TSPAN10: variants seen among roughly 807,000 people sequenced by gnomAD.
TSPAN10 encodes the protein tetraspanin 10.
TSPAN10 carries 11 observed loss-of-function variants against 15.0 expected under a neutral mutation model. That is an observed-to-expected ratio of 0.73 (90% CI 0.46 to 1.21). The LOEUF is 1.21. Among genes scored for constraint, TSPAN10 ranks in the 50% most tolerant of loss-of-function variants. The pLI, the probability that TSPAN10 is intolerant of heterozygous loss-of-function variation, is 0.00. For missense variants in TSPAN10, 486 were observed against 470.6 expected (o/e 1.03, Z -0.30); for synonymous variants, 241 against 226.2 (o/e 1.07, Z -0.59).
At chr17:81,642,242 A>G (rs1309208945), upstream of TSPAN10, 4 of 609,958 alleles carry the variant, frequency 6.6e-6, 1 homozygote, top group East Asian at 1.2e-4. Context: ...CTCAACTGTG[A>G]CTCCGGCATC....
At chr17:81,645,509 C>A in exon 2 of TSPAN10, 1 of 1,587,084 alleles carries the variant, frequency 6.3e-7, no homozygotes, top group Non-Finnish European at 8.6e-7. Flanking sequence ...CTGGAGCACA[C>A]CCTGCGTGTG....
chr17:81,643,742 T>C (rs12950788), intron 1 of TSPAN10, among the ~76,000 whole-genome samples: 76,264 of 151,672 alleles, frequency 0.5, 21,010 homozygotes, highest in East Asian at 0.99. Context: ...GAGAGCCTGA[T>C]GCTGTGATCA....
chr17:81,647,744 GTGCAGGTGTGTGCGAATAGGAGGGCGTA>G lies in TSPAN10; in HGVS notation c.675-152_675-125del, dbSNP rs532818261. 4,490 of 736,792 alleles carry G rather than the reference GTGCAGGTGTGTGCGAATAGGAGGGCGTA, an allele frequency of 6.1e-3. 23 individuals are homozygous for G. Among genetic ancestry groups the G allele is most frequent in the Non-Finnish European group, 8.4e-3 (3,724 of 441,048 alleles). 45.6% of individuals were successfully genotyped at this position (736,792 alleles called of 1,614,324 possible). ...AGCCAGGTGCTGTGTGTGTCCGTGT[GTGCAGGTGTGTGCGAATAGGAGGGCGTA>G]TGCACGTGTGTGCATGTGCCTGTGT... On this transcript the variant is annotated intron_variant, in intron 2 of 2. Transcript: ENST00000611590.
upstream of TSPAN10, among the ~76,000 whole-genome samples, chr17:81,639,769 G>A (rs1598707712): frequency 1.3e-5 from 2 of 151,324 alleles, no homozygotes; most frequent in African/African-American, 4.8e-5. Context: ...ACGAAGTCAG[G>A]AGATCGAGAC....
chr17:81,643,333 C>T (rs1235904776), intron 1 of TSPAN10, among the ~76,000 whole-genome samples: 1 of 37,578 alleles, frequency 2.7e-5, no homozygotes, highest in Admixed American at 3.8e-4. Flanking sequence ...CCGGGACGGC[C>T]GGGCGCGGTG....
At chr17:81,639,400 G>A (rs1454989437), upstream of TSPAN10, among the ~76,000 whole-genome samples, 1 of 151,274 alleles carries the variant, frequency 6.6e-6, no homozygotes, top group Non-Finnish European at 1.5e-5. Flanking sequence ...TAGAGACAGG[G>A]TTTCACCATG....
chr17:81,638,079 T>C (rs1598706522), upstream of TSPAN10: 1 of 107,674 alleles, frequency 9.3e-6, no homozygotes, highest in African/African-American at 4.2e-5. Context: ...ATTACATTAA[T>C]TGATTAAATT....
chr17:81,645,321 G>C, exon 2 of TSPAN10: 1 of 1,554,748 alleles, frequency 6.4e-7, no homozygotes, highest in Non-Finnish European at 8.7e-7. Flanking sequence ...ACCCCATGCT[G>C]GGGCTGGCAC....
exon 2 of TSPAN10, chr17:81,645,134 C>A (rs1230231732): frequency 1.9e-6 from 3 of 1,578,142 alleles, no homozygotes; most frequent in Non-Finnish European, 2.6e-6. Flanking sequence ...TTGAGTGGCA[C>A]CCCCAAGAAA....
chr17:81,648,589 T>C (rs2036294352), downstream of TSPAN10: 3 of 248,638 alleles, frequency 1.2e-5, no homozygotes, highest in Non-Finnish European at 2.3e-5. Flanking sequence ...AGCCGCACAG[T>C]TCCCACCTCC....
chr17:81,646,891 C>T (rs1270546754), intron 2 of TSPAN10, among the ~76,000 whole-genome samples: 2 of 151,532 alleles, frequency 1.3e-5, no homozygotes, highest in Non-Finnish European at 2.9e-5. Context: ...CTCGCCCAGG[C>T]TGGAGTGCAG....
intron 1 of TSPAN10, among the ~76,000 whole-genome samples, chr17:81,644,063 G>T (rs1436860198): frequency 6.7e-6 from 1 of 148,214 alleles, no homozygotes. Context: ...TGCTCAGGCT[G>T]GTCTCGAATT....
At chr17:81,647,711 TTATAGAGAGCCAG>T (rs2144387173) in intron 2 of TSPAN10, 177 bp from the exon 4 acceptor site, 1 of 659,218 alleles carries the variant, frequency 1.5e-6, no homozygotes, top group East Asian at 2.7e-5. Flanking sequence ...CAGGGATACG[TTATAGAGAGCCAG>T]GTGCTGTGTG....
At position 81,645,631 on chromosome 17, in the gene TSPAN10, T is replaced by A. The variant is rs1304392480; in HGVS notation, c.674+2T>A. 2.5e-6 allele frequency: 4 copies of A among 1,611,652 alleles called. No individual in the cohort carries two copies. The highest frequency in any genetic ancestry group is 1.3e-5 in the African/African-American group (1 of 74,904). On this transcript the variant is annotated splice_donor_variant, in intron 2 of 2. Coordinates refer to ENST00000611590, the Ensembl canonical transcript of TSPAN10. LOFTEE classifies it high-confidence loss of function. ...CTACCAGGACTGGCAGCAGAACCTG[T>A]GAGTCTTGGAGTGGGCGAGGGACAG...
chr17:81,637,241 C>G, exon 1 of TSPAN10: 2 of 496,846 alleles, frequency 4.0e-6, no homozygotes, highest in East Asian at 3.3e-5. Flanking sequence ...TGGAAAGTTG[C>G]GTCTGAGATT....
exon 3 of TSPAN10, chr17:81,648,158 T>C (rs2036284714): frequency 6.8e-7 from 1 of 1,472,158 alleles, no homozygotes; most frequent in Non-Finnish European, 8.9e-7. Flanking sequence ...GAGCTCCTGC[T>C]GGCCGCCCGG....
At chr17:81,642,385 C>A, upstream of TSPAN10, 1 of 1,613,470 alleles carries the variant, frequency 6.2e-7, no homozygotes, top group South Asian at 1.1e-5. Context: ...GGCGCCTGTG[C>A]TGGGGGCTTT....
At chr17:81,641,787 G>A (rs1290319406), upstream of TSPAN10, among the ~76,000 whole-genome samples, 2 of 151,856 alleles carry the variant, frequency 1.3e-5, no homozygotes, top group Non-Finnish European at 2.9e-5. Context: ...GCAAGGTGGC[G>A]TACATCTGTA....
At chr17:81,639,381 T>C (rs930926521), upstream of TSPAN10, among the ~76,000 whole-genome samples, 5 of 151,744 alleles carry the variant, frequency 3.3e-5, no homozygotes, top group African/African-American at 1.2e-4. Flanking sequence ...CTAATTTTTA[T>C]ATCTTTAGTA....
Sources: allele counts gnomAD v4.1 joint callset (sites outside exome capture counted in the v4.1 genomes callset), GRCh38; gene constraint gnomAD v4.1.1; transcripts MANE v1.5; gene names NCBI Gene and HGNC (gene_info 2026-07-23, HGNC 2026-07-21).